Variants in REDIC1 observed in about 807,000 individuals in gnomAD.
REDIC1 encodes the protein regulator of DNA class I crossover intermediates 1.
chr12:39,888,672 C>T, the REDIC1 span, among the ~76,000 whole-genome samples: 5,201 of 152,292 alleles, frequency 0.034, 114 homozygotes, highest in Non-Finnish European at 0.051. Context: ...TTTTTGTGAA[C>T]ATTGTTTGCT....
chr12:39,711,869 GTATACACA>G, the REDIC1 span, among the ~76,000 whole-genome samples: 4 of 12,482 alleles, frequency 3.2e-4, no homozygotes, highest in African/African-American at 4.4e-4. Context: ...GTGTATACAC[GTATACACA>G]TGCATGTGTA....
the REDIC1 span, among the ~76,000 whole-genome samples, chr12:39,799,129 C>T: frequency 3.4e-5 from 5 of 145,270 alleles, no homozygotes; most frequent in African/African-American, 1.0e-4. Flanking sequence ...TCCCAGGCTG[C>T]TAGAGTGCAG....
the REDIC1 span, among the ~76,000 whole-genome samples, chr12:39,812,996 A>ATTTTTTTTTTTTT: frequency 3.0e-3 from 121 of 40,614 alleles, 44 homozygotes; most frequent in Middle Eastern, 0.091. Flanking sequence ...TGCCCAGCTA[A>ATTTTTTTTTTTTT]TTTTTTTTTT....
chr12:39,759,665 T>C, the REDIC1 span: 1 of 192,242 alleles, frequency 5.2e-6, no homozygotes, highest in Non-Finnish European at 1.1e-5. Context: ...ATATGTAATT[T>C]GGCTAGATTA....
At chr12:39,759,807 G>C in the REDIC1 span, 9 of 515,162 alleles carry the variant, frequency 1.7e-5, no homozygotes, top group Non-Finnish European at 3.1e-5. Flanking sequence ...AGAATTATTA[G>C]ATTAAAATCT....
the REDIC1 span, among the ~76,000 whole-genome samples, chr12:39,645,176 T>A: frequency 6.6e-5 from 10 of 151,984 alleles, no homozygotes; most frequent in African/African-American, 9.7e-5. Flanking sequence ...ACCTTCCTGC[T>A]TCTGCTGTTT....
At chr12:39,859,917 C>T in the REDIC1 span, among the ~76,000 whole-genome samples, 4 of 152,256 alleles carry the variant, frequency 2.6e-5, no homozygotes, top group South Asian at 8.3e-4. Flanking sequence ...TAAAATATAG[C>T]AAGATCTGTA....
the REDIC1 span, among the ~76,000 whole-genome samples, chr12:39,868,205 A>G: frequency 1.3e-5 from 2 of 152,152 alleles, no homozygotes; most frequent in South Asian, 2.1e-4. Flanking sequence ...TAGTTTTGGC[A>G]TGTTCTTTAT....
the REDIC1 span, among the ~76,000 whole-genome samples, chr12:39,884,332 C>T: frequency 2.3e-3 from 343 of 152,296 alleles, 1 homozygote; most frequent in African/African-American, 7.7e-3. Context: ...GGAACTTACA[C>T]ATGTCTTCAG....
At chr12:39,899,691 C>T in the REDIC1 span, among the ~76,000 whole-genome samples, 11 of 151,858 alleles carry the variant, frequency 7.2e-5, no homozygotes, top group Admixed American at 6.6e-4. Flanking sequence ...TCTTTGTTCT[C>T]GTTGGTTTCA....
chr12:39,747,835 T>G, the REDIC1 span, among the ~76,000 whole-genome samples: 23 of 152,142 alleles, frequency 1.5e-4, no homozygotes, highest in Non-Finnish European at 1.3e-4. Flanking sequence ...CTAAGCTTCA[T>G]AAGTGAAGGA....
the REDIC1 span, chr12:39,721,012 G>A: frequency 1.2e-6 from 2 of 1,613,682 alleles, no homozygotes; most frequent in Non-Finnish European, 1.7e-6. Flanking sequence ...GTGCAATTCA[G>A]CCCACATTTT....
the REDIC1 span, among the ~76,000 whole-genome samples, chr12:39,749,440 C>T: frequency 4.8e-4 from 73 of 152,104 alleles, no homozygotes; most frequent in African/African-American, 1.7e-3. Flanking sequence ...AGCCTACCAA[C>T]CAAAAAAATT....
the REDIC1 span, among the ~76,000 whole-genome samples, chr12:39,705,464 A>G: frequency 2.6e-5 from 4 of 152,140 alleles, no homozygotes; most frequent in Non-Finnish European, 5.9e-5. Context: ...CCATTCTACA[A>G]GGCAATGTAT....
the REDIC1 span, among the ~76,000 whole-genome samples, chr12:39,729,202 TTTTGAATTTGTTAGCTC>T: frequency 6.6e-6 from 1 of 152,190 alleles, no homozygotes; most frequent in African/African-American, 2.4e-5. Context: ...TTCTGCTAGC[TTTTGAATTTGTTAGCTC>T]TTGCTTCTCT....
At chr12:39,635,957 A>T in the REDIC1 span, among the ~76,000 whole-genome samples, 1 of 152,122 alleles carries the variant, frequency 6.6e-6, no homozygotes, top group African/African-American at 2.4e-5. Flanking sequence ...GCATCTAAAA[A>T]CCAGTTTAGT....
the REDIC1 span, among the ~76,000 whole-genome samples, chr12:39,896,283 T>C: frequency 2.7e-4 from 35 of 129,090 alleles, 1 homozygote; most frequent in South Asian, 6.9e-3. Flanking sequence ...TGTATACATG[T>C]ATGTATATGT....
the REDIC1 span, among the ~76,000 whole-genome samples, chr12:39,839,253 T>C: frequency 6.6e-6 from 1 of 152,014 alleles, no homozygotes; most frequent in Non-Finnish European, 1.5e-5. Flanking sequence ...CAGATTCCTA[T>C]ATCAGTACTG....
chr12:39,629,988 A>T, the REDIC1 span, among the ~76,000 whole-genome samples: 29 of 151,572 alleles, frequency 1.9e-4, no homozygotes, highest in Non-Finnish European at 3.8e-4. Context: ...CCAGTTAAAA[A>T]TTTTTTTTTA....
Sources: allele counts gnomAD v4.1 joint callset (sites outside exome capture counted in the v4.1 genomes callset), GRCh38; gene constraint gnomAD v4.1.1; transcripts MANE v1.5; gene names NCBI Gene and HGNC (gene_info 2026-07-23, HGNC 2026-07-21).